The following TENM1 variants were observed in gnomAD, a reference collection of about 807,000 sequenced individuals.
TENM1 encodes the protein teneurin transmembrane protein 1, also known as teneurin-1.
In TENM1, 35 loss-of-function variants were observed where a neutral mutation model predicts 174.8. That is an observed-to-expected ratio of 0.20 (90% CI 0.15 to 0.27). The LOEUF is 0.27. TENM1 is among the 10% of genes least tolerant of loss of function. The pLI is 1.00. For synonymous variants in TENM1, 781 were observed against 798.7 expected, an observed-to-expected ratio of 0.98 and a Z score of 0.37; for missense variants, 1,633 against 2,130.1, an observed-to-expected ratio of 0.77 and a Z score of 4.59.
chrX:124,887,386 G>A (rs1210830967), intron 3 of TENM1, among the ~76,000 whole-genome samples: 1 of 111,252 alleles, frequency 9.0e-6, no homozygotes, highest in African/African-American at 3.3e-5. Flanking sequence ...TACATGCGTG[G>A]AAAATTTGGG....
At chrX:124,960,617 A>G (rs1003809449) in intron 1 of TENM1, among the ~76,000 whole-genome samples, 8 of 111,983 alleles carry the variant, frequency 7.1e-5, no homozygotes, top group Non-Finnish European at 1.5e-4. Context: ...GAAACTGCAC[A>G]GACAAAATCT....
exon 20 of TENM1, chrX:124,497,226 G>A (rs769388098): frequency 7.7e-5 from 93 of 1,206,439 alleles, no homozygotes; most frequent in Non-Finnish European, 1.0e-4. Context: ...GGGCTGCTGG[G>A]AAATGAACAT....
At chrX:124,420,904 A>T in intron 24 of TENM1, 83 bp from the exon 28 acceptor site, 1 of 926,184 alleles carries the variant, frequency 1.1e-6, no homozygotes, top group Non-Finnish European at 1.5e-6. Context: ...TCTGTGCATC[A>T]AGAATCATTT....
chrX:124,573,405 G>A (rs1378807840), intron 11 of TENM1, among the ~76,000 whole-genome samples: 1 of 111,212 alleles, frequency 9.0e-6, no homozygotes, highest in Non-Finnish European at 1.9e-5. Flanking sequence ...TATACATAGG[G>A]ACTTTGTTTG....
chrX:124,937,600 AATG>A (rs776308029), intron 1 of TENM1, among the ~76,000 whole-genome samples: 132 of 111,691 alleles, frequency 1.2e-3, no homozygotes, highest in Non-Finnish European at 1.8e-3. Context: ...AAAGTCTGTC[AATG>A]ATGATGGACA....
chrX:125,005,407 TTGTGTG>T, the TENM1 span, among the ~76,000 whole-genome samples: 190 of 89,471 alleles, frequency 2.1e-3, no homozygotes, highest in African/African-American at 6.7e-3. Flanking sequence ...CCTGACTTGG[TTGTGTG>T]TGTGTGTGTG....
chrX:124,743,576 G>T (rs2148563231), intron 3 of TENM1, among the ~76,000 whole-genome samples: 1 of 111,796 alleles, frequency 8.9e-6, no homozygotes, highest in African/African-American at 3.2e-5. Flanking sequence ...TAGTTTCCAT[G>T]GGCTCAACCT....
intron 6 of TENM1, among the ~76,000 whole-genome samples, chrX:124,664,011 C>A (rs951320687): frequency 9.9e-5 from 11 of 111,326 alleles, no homozygotes; most frequent in Non-Finnish European, 2.1e-4. Flanking sequence ...TAGCTGGGCC[C>A]TCTGAAACCT....
intron 22 of TENM1, among the ~76,000 whole-genome samples, chrX:124,475,173 C>T (rs773289197): frequency 9.9e-5 from 11 of 110,607 alleles, no homozygotes; most frequent in African/African-American, 2.3e-4. Flanking sequence ...TCTCAGAACA[C>T]GGAGGCTATC....
intron 1 of TENM1, among the ~76,000 whole-genome samples, chrX:124,942,706 T>A (rs2058348495): frequency 8.9e-6 from 1 of 111,813 alleles, no homozygotes; most frequent in East Asian, 2.8e-4. Context: ...ACACTTCTTC[T>A]GAACCATGTC....
intron 3 of TENM1, among the ~76,000 whole-genome samples, chrX:124,738,078 A>G (rs1014066613): frequency 8.9e-6 from 1 of 111,953 alleles, no homozygotes; most frequent in African/African-American, 3.2e-5. Flanking sequence ...AAATACCTCA[A>G]TTAAACCCCT....
intron 15 of TENM1, among the ~76,000 whole-genome samples, chrX:124,537,714 A>G (rs2048235039): frequency 8.9e-6 from 1 of 112,033 alleles, no homozygotes; most frequent in East Asian, 2.8e-4. Flanking sequence ...CCAAACTTGC[A>G]TTCACTTTGT....
intron 24 of TENM1, 147 bp downstream of exon 27, chrX:124,422,125 G>C: frequency 2.7e-6 from 2 of 729,910 alleles, no homozygotes; most frequent in South Asian, 5.7e-5. Context: ...TCGGTGATCT[G>C]ACTCCTAATC....
intron 4 of TENM1, among the ~76,000 whole-genome samples, chrX:124,719,066 C>T (rs1464747324): frequency 9.0e-6 from 1 of 111,337 alleles, no homozygotes; most frequent in African/African-American, 3.3e-5. Flanking sequence ...AAGTTGAGAA[C>T]CATTTGTCTA....
intron 6 of TENM1, among the ~76,000 whole-genome samples, chrX:124,666,639 C>G (rs766672133): frequency 4.5e-5 from 5 of 111,478 alleles, no homozygotes; most frequent in Non-Finnish European, 9.4e-5. Context: ...CTGAAAAGAC[C>G]AAACACAGAC....
At chrX:125,127,810 A>G in the TENM1 span, among the ~76,000 whole-genome samples, 4 of 110,889 alleles carry the variant, frequency 3.6e-5, no homozygotes, top group African/African-American at 1.3e-4. Flanking sequence ...TTGACCTTCC[A>G]ATTTGTGCTC....
intron 11 of TENM1, among the ~76,000 whole-genome samples, chrX:124,608,770 G>A (rs1281874425): frequency 2.1e-5 from 2 of 95,582 alleles, no homozygotes; most frequent in Non-Finnish European, 4.5e-5. Flanking sequence ...TGAAGCACCA[G>A]GAAGAGTAAG....
chrX:124,846,756 A>C (rs150333637), intron 3 of TENM1, among the ~76,000 whole-genome samples: 1 of 111,599 alleles, frequency 9.0e-6, no homozygotes, highest in Non-Finnish European at 1.9e-5. Flanking sequence ...CTGGTTATCC[A>C]GAATTATCTT....
intron 15 of TENM1, among the ~76,000 whole-genome samples, chrX:124,541,748 G>T (rs2048324921): frequency 1.8e-5 from 2 of 111,737 alleles, no homozygotes; most frequent in South Asian, 7.5e-4. Flanking sequence ...GGGATACAGT[G>T]GTATCATAGA....
Sources: allele counts gnomAD v4.1 joint callset (sites outside exome capture counted in the v4.1 genomes callset), GRCh38; gene constraint gnomAD v4.1.1; transcripts MANE v1.5; gene names NCBI Gene and HGNC (gene_info 2026-07-23, HGNC 2026-07-21).